SGPP2: variants seen among roughly 807,000 people sequenced by gnomAD.
SGPP2 encodes the protein sphingosine 1-phosphate phosphohydrolase 2.
In SGPP2, 30 loss-of-function variants were observed where a neutral mutation model predicts 33.9. The observed-to-expected ratio is 0.89, with a 90% CI of 0.66 to 1.20. The LOEUF is 1.20. Ranked by LOEUF, SGPP2 falls within the 50% of genes most tolerant of loss-of-function variation. The probability of loss-of-function intolerance (pLI) is 0.00; values close to 1 mark genes in which losing one functional copy is unlikely to be tolerated. For missense variants in SGPP2, 458 were observed against 532.1 expected, an observed-to-expected ratio of 0.86 and a Z score of 1.37; for synonymous variants, 233 against 225.0, an observed-to-expected ratio of 1.04 and a Z score of -0.32.
chr2:222,499,374 C>T (rs1242951497), intron 2 of SGPP2, among the ~76,000 whole-genome samples: 1 of 152,222 alleles, frequency 6.6e-6, no homozygotes, highest in Non-Finnish European at 1.5e-5. Flanking sequence ...TGCTTTCTCT[C>T]CTACACTTTG....
rs1039596486 is a variant in SGPP2 at position 222,457,452 on chromosome 2, G to A, written c.220-17116G>A. 2.6e-5 allele frequency among the ~76,000 whole-genome samples: 4 copies of A among 152,236 alleles called. No homozygotes were observed. In the South Asian group the frequency reaches 8.3e-4, roughly 32 times the overall value. On this transcript the variant is annotated intron_variant, in intron 1 of 4. Transcript: ENST00000321276. ...ACCTGACAGATGTAGAAGGAAAAAA[G>A]CAATCAGGCGACCTCTAAAATTGCG...
chr2:222,512,087 T>TCA, intron 2 of SGPP2, among the ~76,000 whole-genome samples: 1 of 152,200 alleles, frequency 6.6e-6, no homozygotes, highest in South Asian at 2.1e-4. Context: ...TGATCTTGGC[T>TCA]CACTGCAAGC....
chr2:222,527,175 C>A (rs1698771783), intron 4 of SGPP2, among the ~76,000 whole-genome samples: 1 of 152,030 alleles, frequency 6.6e-6, no homozygotes, highest in African/African-American at 2.4e-5. Context: ...ATAGATTAGG[C>A]CTGTCATCCA....
chr2:222,496,229 C>T (rs1342096906), intron 2 of SGPP2, among the ~76,000 whole-genome samples: 4 of 152,218 alleles, frequency 2.6e-5, no homozygotes, highest in South Asian at 2.1e-4. Flanking sequence ...CACACGACAA[C>T]ATGAAACACA....
At chr2:222,499,418 G>C (rs1698332534) in intron 2 of SGPP2, among the ~76,000 whole-genome samples, 1 of 152,194 alleles carries the variant, frequency 6.6e-6, no homozygotes. Flanking sequence ...CCTGCTCCCT[G>C]CAGTGAACTG....
At chr2:222,538,550 C>T (rs1020957165) in intron 4 of SGPP2, among the ~76,000 whole-genome samples, 5 of 152,176 alleles carry the variant, frequency 3.3e-5, no homozygotes, top group African/African-American at 9.7e-5. Flanking sequence ...ATTCCTGAAG[C>T]AGTTTGTGCC....
chr2:222,555,012 T>TC (rs1005337247), intron 4 of SGPP2, among the ~76,000 whole-genome samples: 3 of 151,448 alleles, frequency 2.0e-5, no homozygotes, highest in East Asian at 1.9e-4. Flanking sequence ...AGTCACAACA[T>TC]CCCCCCCACC....
chr2:222,544,858 G>A (rs1222235603), intron 4 of SGPP2, among the ~76,000 whole-genome samples: 6 of 152,070 alleles, frequency 3.9e-5, no homozygotes, highest in South Asian at 2.1e-4. Flanking sequence ...AATTGTGAGC[G>A]TGTATGGGGT....
chr2:222,434,500 G>A (rs1343720468), intron 1 of SGPP2, among the ~76,000 whole-genome samples: 2 of 152,088 alleles, frequency 1.3e-5, no homozygotes, highest in African/African-American at 2.4e-5. Context: ...GGGAAAGGGG[G>A]CAGTGGTTTC....
chr2:222,540,865 G>T (rs576017394), intron 4 of SGPP2, among the ~76,000 whole-genome samples: 1 of 140,750 alleles, frequency 7.1e-6, no homozygotes, highest in East Asian at 2.0e-4. Context: ...TGTCGCCCAG[G>T]CTGGAGTAGT....
chr2:222,437,569 G>A (rs1472672462), intron 1 of SGPP2, among the ~76,000 whole-genome samples: 1 of 152,194 alleles, frequency 6.6e-6, no homozygotes, highest in Non-Finnish European at 1.5e-5. Flanking sequence ...GAGACCATGG[G>A]CATTTGAGCC....
chr2:222,506,734 GT>G (rs1424894322), intron 2 of SGPP2, among the ~76,000 whole-genome samples: 5 of 152,060 alleles, frequency 3.3e-5, no homozygotes, highest in African/African-American at 1.2e-4. Flanking sequence ...CAACCCTCAA[GT>G]TGCACAAAGG....
chr2:222,530,136 T>G (rs1698817250), intron 4 of SGPP2, among the ~76,000 whole-genome samples: 3 of 152,262 alleles, frequency 2.0e-5, no homozygotes, highest in Admixed American at 2.0e-4. Context: ...ACAGACGTGC[T>G]GTCACCCAGA....
At chr2:222,480,711 A>G (rs185997495) in intron 2 of SGPP2, among the ~76,000 whole-genome samples, 163 of 152,348 alleles carry the variant, frequency 1.1e-3, no homozygotes, top group Admixed American at 2.8e-3. Context: ...CCCGCTTATC[A>G]TCTGTGTGAG....
intron 4 of SGPP2, among the ~76,000 whole-genome samples, chr2:222,529,275 G>A (rs1698803782): frequency 6.6e-6 from 1 of 152,112 alleles, no homozygotes; most frequent in Non-Finnish European, 1.5e-5. Flanking sequence ...TCATGAGATT[G>A]CAGCAATTCA....
intron 2 of SGPP2, among the ~76,000 whole-genome samples, chr2:222,494,844 G>A (rs1036443261): frequency 2.0e-5 from 3 of 152,112 alleles, no homozygotes; most frequent in Non-Finnish European, 4.4e-5. Context: ...TTTTCTCTGT[G>A]CTAGAAGTCA....
chr2:222,444,779 G>A (rs1161420410), intron 1 of SGPP2, among the ~76,000 whole-genome samples: 1 of 152,238 alleles, frequency 6.6e-6, no homozygotes, highest in Non-Finnish European at 1.5e-5. Context: ...AGGTGCAGCA[G>A]AAGATCTCAG....
intron 4 of SGPP2, among the ~76,000 whole-genome samples, chr2:222,532,374 G>A (rs1442851651): frequency 2.0e-5 from 3 of 152,210 alleles, no homozygotes; most frequent in African/African-American, 4.8e-5. Context: ...GAAATAATTT[G>A]CTTATCCCGC....
chr2:222,512,212 C>T (rs1353862803), intron 2 of SGPP2, among the ~76,000 whole-genome samples: 3 of 151,756 alleles, frequency 2.0e-5, no homozygotes, highest in South Asian at 2.1e-4. Context: ...GGGGTTTCAC[C>T]GTGTTAGCCA....
Sources: allele counts gnomAD v4.1 joint callset (sites outside exome capture counted in the v4.1 genomes callset), GRCh38; gene constraint gnomAD v4.1.1; transcripts MANE v1.5; gene names NCBI Gene and HGNC (gene_info 2026-07-23, HGNC 2026-07-21).